The following AP2B1 variants were observed in gnomAD, a reference collection of about 807,000 sequenced individuals.
AP2B1 encodes AP-2 complex subunit beta.
AP2B1 carries 23 observed loss-of-function variants against 102.0 expected under a neutral mutation model. The ratio of observed to expected loss-of-function variants is 0.23; its 90% CI spans 0.16 to 0.32. The LOEUF is 0.32. Ranked by LOEUF, AP2B1 falls within the 10% of genes least tolerant of loss-of-function variation. The pLI is 1.00. For synonymous variants in AP2B1, 381 were observed against 421.2 expected, an observed-to-expected ratio of 0.90 and a Z score of 1.17; for missense variants, 541 against 1,157.4, an observed-to-expected ratio of 0.47 and a Z score of 7.73.
chr17:35,699,520 G>A (rs587622840), intron 18 of AP2B1, among the ~76,000 whole-genome samples: 55 of 152,320 alleles, frequency 3.6e-4, no homozygotes, highest in African/African-American at 9.9e-4. Context: ...GGTGGACTGA[G>A]AAAGAATATG....
chr17:35,667,390 T>C (rs1343907854), intron 14 of AP2B1, among the ~76,000 whole-genome samples: 1 of 152,230 alleles, frequency 6.6e-6, no homozygotes, highest in Non-Finnish European at 1.5e-5. Flanking sequence ...GCTGTGTCTC[T>C]GATATCTTTT....
chr17:35,656,218 T>G (rs1025240160), intron 13 of AP2B1, among the ~76,000 whole-genome samples: 1 of 152,190 alleles, frequency 6.6e-6, no homozygotes, highest in Non-Finnish European at 1.5e-5. Flanking sequence ...AGGTTTTACC[T>G]TTCACATTTA....
chr17:35,657,560 C>CTT, intron 13 of AP2B1, 39 bp from the exon 14 acceptor site: 1 of 1,567,122 alleles, frequency 6.4e-7, no homozygotes, highest in South Asian at 1.2e-5. Flanking sequence ...GTGAAACTGA[C>CTT]TTTTCTCTTT....
chr17:35,695,228 A>G (rs587669234), intron 18 of AP2B1, among the ~76,000 whole-genome samples: 1 of 152,280 alleles, frequency 6.6e-6, no homozygotes, highest in Admixed American at 6.5e-5. Context: ...CTGAAGAGTA[A>G]CTGGGTTGAT....
At chr17:35,707,273 C>T (rs142638372) in intron 18 of AP2B1, among the ~76,000 whole-genome samples, 2,648 of 151,662 alleles carry the variant, frequency 0.017, 52 homozygotes, top group African/African-American at 0.048. Flanking sequence ...CTGCCTCAGC[C>T]TCCTGAGTAG....
chr17:35,615,119 G>T (rs919457609), intron 5 of AP2B1, among the ~76,000 whole-genome samples: 36 of 152,180 alleles, frequency 2.4e-4, no homozygotes, highest in African/African-American at 8.2e-4. Flanking sequence ...CCAAGGTTGT[G>T]AAACCCTGGA....
At chr17:35,652,273 T>C (rs754495412) in intron 13 of AP2B1, among the ~76,000 whole-genome samples, 1 of 152,220 alleles carries the variant, frequency 6.6e-6, no homozygotes, top group Non-Finnish European at 1.5e-5. Context: ...TTGATATAAA[T>C]GGGAATGATA....
At chr17:35,693,701 C>T (rs1166651332) in intron 18 of AP2B1, among the ~76,000 whole-genome samples, 1 of 152,184 alleles carries the variant, frequency 6.6e-6, no homozygotes, top group Non-Finnish European at 1.5e-5. Context: ...TAGCAGTCTT[C>T]CTTTCCAGGA....
At chr17:35,636,483 T>G in intron 10 of AP2B1, 27 bp downstream of exon 10, 1 of 1,550,716 alleles carries the variant, frequency 6.4e-7, no homozygotes, top group Middle Eastern at 1.7e-4. Flanking sequence ...TTACCCCTCT[T>G]TCTCAAATTA....
At chr17:35,637,318 A>G (rs904768492) in intron 10 of AP2B1, among the ~76,000 whole-genome samples, 3 of 151,704 alleles carry the variant, frequency 2.0e-5, no homozygotes, top group African/African-American at 4.8e-5. Context: ...CCAAGTAGCT[A>G]TGATTACAGG....
intron 19 of AP2B1, 109 bp downstream of exon 19, chr17:35,709,417 G>A: frequency 1.2e-6 from 1 of 846,218 alleles, no homozygotes; most frequent in East Asian, 2.5e-5. Context: ...AAAAAAAAAT[G>A]GGTTAAGGAT....
chr17:35,647,683 C>G (rs1458791164), intron 12 of AP2B1, among the ~76,000 whole-genome samples: 1 of 152,094 alleles, frequency 6.6e-6, no homozygotes, highest in Non-Finnish European at 1.5e-5. Flanking sequence ...TTTAAACAAT[C>G]TGTGACTGAG....
chr17:35,604,638 A>G (rs529011243), intron 3 of AP2B1, among the ~76,000 whole-genome samples: 20 of 152,242 alleles, frequency 1.3e-4, no homozygotes, highest in Non-Finnish European at 2.4e-4. Context: ...CACGCCTGTA[A>G]TCTCAGCTAC....
chr17:35,711,781 ATTTTAG>A (rs1163846422), intron 20 of AP2B1, among the ~76,000 whole-genome samples: 2 of 152,070 alleles, frequency 1.3e-5, no homozygotes, highest in Non-Finnish European at 2.9e-5. Context: ...CAGCTTTTTA[ATTTTAG>A]TTTTTTATGG....
At position 35,650,609 on chromosome 17, in the gene AP2B1, A is replaced by G. The variant is rs752151532; in HGVS notation, c.1616A>G (p.Glu539Gly). ...TCAACTGACCCTGTTACAGCTAAAG[A>G]AGTAGTCTTGTCTGAGAAGCCACTG... ...LLSTDPVTAK[E>G]VVLSEKPLIS... The change falls in exon 13 of 22, where the codon GAA becomes GGA. Residue 539 changes from glutamate to glycine, a missense_variant. Physicochemically the swap from Glu to Gly is moderately conservative, Grantham distance 98. Coordinates refer to ENST00000610402, the MANE Select transcript of AP2B1 (RefSeq NM_001030006.2). The G allele has an allele frequency of 6.2e-7, 1 of 1,614,154 alleles. No homozygotes were observed. The highest frequency in any genetic ancestry group is 1.1e-5 in the South Asian group (1 of 91,076).
At chr17:35,615,219 G>GTTA (rs2073980843) in intron 5 of AP2B1, among the ~76,000 whole-genome samples, 1 of 152,166 alleles carries the variant, frequency 6.6e-6, no homozygotes, top group South Asian at 2.1e-4. Flanking sequence ...CTTTGAACAA[G>GTTA]TTATTTAAAA....
At chr17:35,663,570 C>G (rs2075401331) in intron 14 of AP2B1, among the ~76,000 whole-genome samples, 1 of 152,208 alleles carries the variant, frequency 6.6e-6, no homozygotes. Context: ...CCTTCTCAAA[C>G]TGGGAAATGC....
intron 5 of AP2B1, among the ~76,000 whole-genome samples, chr17:35,611,480 TGC>T (rs756786873): frequency 1.3e-5 from 2 of 151,970 alleles, no homozygotes; most frequent in Non-Finnish European, 2.9e-5. Flanking sequence ...TGTGTGTGTG[TGC>T]GCGCGCGCAC....
intron 20 of AP2B1, among the ~76,000 whole-genome samples, chr17:35,715,005 T>C (rs1415752582): frequency 6.6e-6 from 1 of 152,260 alleles, no homozygotes; most frequent in African/African-American, 2.4e-5. Flanking sequence ...AGCCTCCTTA[T>C]ATCTGGCTTC....
Sources: gnomAD v4.1 joint callset for allele counts (sites outside exome capture counted in the v4.1 genomes callset) on GRCh38, gnomAD v4.1.1 for gene constraint, MANE v1.5 for transcripts, NCBI Gene and HGNC (gene_info 2026-07-23, HGNC 2026-07-21) for gene names.